The following CD59 variants were observed in gnomAD, a reference collection of about 807,000 sequenced individuals.
The protein encoded by CD59 is CD59 glycoprotein.
CD59 carries 3 observed loss-of-function variants against 7.0 expected under a neutral mutation model. The observed-to-expected ratio is 0.43, with a 90% CI of 0.19 to 1.10. The LOEUF is 1.10. Among genes scored for constraint, CD59 ranks in the 50% least tolerant of loss-of-function variants. The pLI is 0.29. For synonymous variants in CD59, 60 were observed against 62.0 expected, an observed-to-expected ratio of 0.97 and a Z score of 0.15; for missense variants, 143 against 151.0, an observed-to-expected ratio of 0.95 and a Z score of 0.28.
chr11:33,718,742 C>T (rs959592303), intron 2 of CD59: 9 of 152,148 alleles, frequency 5.9e-5, no homozygotes, highest in Admixed American at 4.6e-4. Context: ...ATTATTGCTC[C>T]CAGTCAATTC....
rs1853457799 is a variant in CD59, at chr11:33,709,755, A to G, written c.*371T>C. The G allele has an allele frequency of 5.4e-6, 2 of 370,902 alleles. No homozygotes were observed. The highest frequency in any genetic ancestry group is 4.8e-5 in the South Asian group (2 of 41,774). The allele number at this position is 370,902 out of a possible 1,614,324, so 23.0% of individuals were successfully genotyped here. ...CATATACTCCTGCCCCACCCTCCAA[A>G]GATGTACTAATGATGCTAACTGACT... On this transcript the variant is annotated 3_prime_UTR_variant, in exon 4 of 4. Coordinates refer to ENST00000642928, the MANE Select transcript of CD59 (RefSeq NM_000611.6).
chr11:33,729,508 G>T (rs1212141390), intron 1 of CD59, among the ~76,000 whole-genome samples: 2 of 151,964 alleles, frequency 1.3e-5, no homozygotes, highest in Non-Finnish European at 2.9e-5. Context: ...CAGACACCAG[G>T]GCCTGTCGGG....
intron 2 of CD59, 118 bp downstream of exon 2, chr11:33,722,261 G>C: frequency 1.3e-6 from 1 of 777,752 alleles, no homozygotes; most frequent in East Asian, 2.5e-5. Flanking sequence ...CTGTAACACT[G>C]GAAGGCAAAA....
At chr11:33,734,057 C>T (rs572280838) in intron 1 of CD59, among the ~76,000 whole-genome samples, 2 of 152,370 alleles carry the variant, frequency 1.3e-5, no homozygotes, top group Admixed American at 6.5e-5. Flanking sequence ...GGGCTGGCAA[C>T]TCACAAGATA....
intron 1 of CD59, among the ~76,000 whole-genome samples, chr11:33,725,285 GAAAAAAA>G (rs35899420): frequency 1.2e-5 from 1 of 86,472 alleles, no homozygotes; most frequent in African/African-American, 3.9e-5. Flanking sequence ...CCATTTTAAG[GAAAAAAA>G]AAAAAAAAAA....
intron 3 of CD59, among the ~76,000 whole-genome samples, chr11:33,716,373 T>C (rs1246309326): frequency 6.6e-6 from 1 of 152,206 alleles, no homozygotes; most frequent in Non-Finnish European, 1.5e-5. Context: ...TTACCTGACA[T>C]GTTCACCATT....
intron 1 of CD59, among the ~76,000 whole-genome samples, chr11:33,730,936 C>T (rs537875557): frequency 4.6e-5 from 7 of 152,280 alleles, no homozygotes; most frequent in Admixed American, 3.3e-4. Context: ...TGTAAACAGA[C>T]GACATAAACT....
At chr11:33,731,836 T>C (rs1180778324) in intron 1 of CD59, among the ~76,000 whole-genome samples, 2 of 151,074 alleles carry the variant, frequency 1.3e-5, no homozygotes, top group African/African-American at 4.9e-5. Flanking sequence ...ATGCAAGCCA[T>C]TAGGCAAGAC....
intron 1 of CD59, among the ~76,000 whole-genome samples, chr11:33,732,625 G>C (rs140486830): frequency 3.9e-5 from 6 of 152,298 alleles, no homozygotes; most frequent in Non-Finnish European, 7.4e-5. Flanking sequence ...CAAATATCAA[G>C]GGCCAGTTGC....
chr11:33,722,606 G>T, intron 1 of CD59, 143 bp from the exon 2 acceptor site: 1 of 1,515,356 alleles, frequency 6.6e-7, no homozygotes. Context: ...CCTGGGCCAT[G>T]CCCCAGCTCT....
intron 1 of CD59, among the ~76,000 whole-genome samples, chr11:33,730,289 C>T (rs1854379536): frequency 6.6e-6 from 1 of 151,358 alleles, no homozygotes; most frequent in Admixed American, 6.6e-5. Context: ...GTGGCGTGTG[C>T]CTGTAGTTCC....
intron 2 of CD59, among the ~76,000 whole-genome samples, chr11:33,719,780 C>T (rs1853968697): frequency 6.6e-6 from 1 of 152,234 alleles, no homozygotes; most frequent in African/African-American, 2.4e-5. Flanking sequence ...GGGCAGGGCC[C>T]CATCCACCAG....
intron 3 of CD59, among the ~76,000 whole-genome samples, chr11:33,710,719 TTTTC>T (rs1564969332): frequency 1.5e-5 from 2 of 136,392 alleles, no homozygotes; most frequent in African/African-American, 6.7e-5. Context: ...TTTCCTTTTC[TTTTC>T]TTTTTTTTTT....
intron 3 of CD59, among the ~76,000 whole-genome samples, chr11:33,716,473 A>G (rs1396095615): frequency 6.6e-6 from 1 of 152,170 alleles, no homozygotes; most frequent in Non-Finnish European, 1.5e-5. Context: ...TCTCTTAGAA[A>G]TCTAAGCCTG....
intron 3 of CD59, among the ~76,000 whole-genome samples, chr11:33,712,501 A>G (rs970746058): frequency 1.3e-5 from 2 of 152,252 alleles, no homozygotes; most frequent in Non-Finnish European, 2.9e-5. Context: ...CCTTGGAAAC[A>G]TTATGTTTAG....
intron 1 of CD59, chr11:33,733,418 ACCAG>A (rs1310500462): frequency 6.6e-6 from 1 of 152,254 alleles, no homozygotes; most frequent in Non-Finnish European, 1.5e-5. Context: ...GGAGTTCCAG[ACCAG>A]CCTGGCCAAC....
chr11:33,717,001 C>T (rs1474150149), intron 3 of CD59, among the ~76,000 whole-genome samples: 1 of 152,220 alleles, frequency 6.6e-6, no homozygotes, highest in Non-Finnish European at 1.5e-5. Flanking sequence ...GCTCCTAACC[C>T]TCTGCTGGGC....
At chr11:33,729,125 A>G (rs1490134262) in intron 1 of CD59, among the ~76,000 whole-genome samples, 1 of 152,248 alleles carries the variant, frequency 6.6e-6, no homozygotes, top group African/African-American at 2.4e-5. Flanking sequence ...TCAAGGATCT[A>G]GAACATCTGA....
chr11:33,710,639 T>G (rs1853503701), intron 3 of CD59, among the ~76,000 whole-genome samples: 3 of 152,202 alleles, frequency 2.0e-5, no homozygotes, highest in Admixed American at 2.0e-4. Flanking sequence ...GCCAAGATTT[T>G]AAACACATGC....
Sources: gnomAD v4.1 joint callset for allele counts (sites outside exome capture counted in the v4.1 genomes callset) on GRCh38, gnomAD v4.1.1 for gene constraint, MANE v1.5 for transcripts, NCBI Gene and HGNC (gene_info 2026-07-23, HGNC 2026-07-21) for gene names.